The following USH2A variants were observed in gnomAD, a reference collection of about 807,000 sequenced individuals.
USH2A encodes usherin.
A neutral mutation model predicts 538.9 loss-of-function variants in USH2A; 443 were observed. That is an observed-to-expected ratio of 0.82 (90% CI 0.76 to 0.89). USH2A has a LOEUF of 0.89. Among genes scored for constraint, USH2A ranks in the 40% least tolerant of loss-of-function variants. The pLI is 0.00. For synonymous variants in USH2A, 2,413 were observed against 2,273.5 expected (o/e 1.06, Z -1.75); for missense variants, 6,633 against 6,324.8 (o/e 1.05, Z -1.65).
At chr1:216,140,391 G>A (rs1194303513) in intron 21 of USH2A, among the ~76,000 whole-genome samples, 1 of 152,142 alleles carries the variant, frequency 6.6e-6, no homozygotes, top group East Asian at 1.9e-4. Context: ...CATAGATTGT[G>A]CCGTGTCTGC....
intron 3 of USH2A, among the ~76,000 whole-genome samples, chr1:216,390,143 T>C (rs1195511141): frequency 1.3e-5 from 2 of 152,190 alleles, no homozygotes; most frequent in Non-Finnish European, 2.9e-5. Context: ...AATTGTTTGA[T>C]ATCTTAAAAC....
In USH2A at chr1:215,916,330, ATG is replaced by A. The variant is rs367591218; in HGVS notation, c.7301-15427_7301-15426del. 4.6e-3 allele frequency among the ~76,000 whole-genome samples: 453 copies of A among 97,888 alleles called. 2 individuals are homozygous for A. The highest frequency in any genetic ancestry group is 0.017 in the African/African-American group (435 of 25,488). 64.2% of individuals were successfully genotyped at this position (97,888 alleles called of 152,430 possible). A position where few individuals can be genotyped will look rare whatever the true frequency, so the allele number is the denominator to read the frequency against. On this transcript the variant is annotated intron_variant, in intron 38 of 71. Coordinates refer to ENST00000307340, the MANE Select transcript of USH2A (RefSeq NM_206933.4). The stretch of plus-strand genomic sequence containing the variant: ...GTCAAACTCTGACTAGGAAAGAAAC[ATG>A]TGCAAAAATAAAAAAAAAAATTGTT...
chr1:215,718,444 T>G (rs1166879453), intron 61 of USH2A, among the ~76,000 whole-genome samples: 1 of 152,210 alleles, frequency 6.6e-6, no homozygotes, highest in Non-Finnish European at 1.5e-5. Flanking sequence ...TTATCACCCA[T>G]CAAGGTAATT....
At chr1:216,276,359 C>T (rs1467856155) in intron 11 of USH2A, among the ~76,000 whole-genome samples, 1 of 152,086 alleles carries the variant, frequency 6.6e-6, no homozygotes. Context: ...GCACTCAATA[C>T]TTGGCACCAA....
At chr1:215,693,214 G>GA (rs541925993) in intron 61 of USH2A, among the ~76,000 whole-genome samples, 83 of 151,554 alleles carry the variant, frequency 5.5e-4, no homozygotes, top group African/African-American at 1.9e-3. Context: ...CTCCTGGGCT[G>GA]AAGCAATCCA....
chr1:216,215,739 A>C (rs2035330632), intron 15 of USH2A, among the ~76,000 whole-genome samples: 1 of 152,174 alleles, frequency 6.6e-6, no homozygotes, highest in African/African-American at 2.4e-5. Flanking sequence ...CATAATTTTA[A>C]AGAGATAAAA....
At chr1:216,360,895 C>T (rs527668086) in intron 4 of USH2A, among the ~76,000 whole-genome samples, 66 of 152,048 alleles carry the variant, frequency 4.3e-4, no homozygotes, top group African/African-American at 1.5e-3. Context: ...ATTTAAATCT[C>T]AACAGAATTT....
intron 21 of USH2A, among the ~76,000 whole-genome samples, chr1:216,167,762 C>T (rs984865182): frequency 9.2e-5 from 14 of 152,154 alleles, no homozygotes; most frequent in African/African-American, 3.4e-4. Context: ...AATTTTCACT[C>T]TTGCTCTAAA....
At chr1:215,723,256 C>G (rs1162791565) in intron 61 of USH2A, among the ~76,000 whole-genome samples, 1 of 151,412 alleles carries the variant, frequency 6.6e-6, no homozygotes, top group Admixed American at 6.6e-5. Flanking sequence ...GCATTAAAAC[C>G]CACACTCTTT....
At position 216,078,378 on chromosome 1, in the gene USH2A, A is replaced by G; in HGVS notation, c.5299-16T>C. 1 of 1,611,610 alleles carries G rather than the reference A, an allele frequency of 6.2e-7. No individual in the cohort carries two copies. The highest frequency in any genetic ancestry group is 8.5e-7 in the Non-Finnish European group (1 of 1,178,280). ...TCAGCTCCATCTGTATTTTATATTA[A>G]AAAAGAAAGTAGGTATATAAAAAGG... On this transcript the variant is annotated splice_polypyrimidine_tract_variant and intron_variant, in intron 26 of 71. Coordinates refer to ENST00000307340, the MANE Select transcript of USH2A (RefSeq NM_206933.4).
At chr1:216,420,815 T>C (rs2039663116) in intron 2 of USH2A, among the ~76,000 whole-genome samples, 1 of 152,158 alleles carries the variant, frequency 6.6e-6, no homozygotes, top group Middle Eastern at 3.2e-3. Flanking sequence ...ATTAATTTTG[T>C]GATTAATCCA....
In USH2A at chr1:215,674,135, C is replaced by G. The variant is rs1350039852; in HGVS notation, c.13776G>C (p.Gln4592His). 5 of 1,614,110 alleles carry G rather than the reference C, an allele frequency of 3.1e-6. No homozygotes were observed. Among genetic ancestry groups the G allele is most frequent in the Non-Finnish European group, 4.2e-6 (5 of 1,180,008 alleles). ...INTTHNSFGMQSYIVNQLKPF... is the reference protein window; with the variant it reads ...INTTHNSFGMHSYIVNQLKPF... ...GCTTCAGCTGGTTTACTATATATGA[C>G]TGCATACCAAAAGAATTATGAGTTG... Residue 4592 changes from glutamine to histidine, a missense_variant, in exon 63 of 72, where the codon CAG becomes CAC. Transcript: ENST00000307340.
rs79620002 is a variant in USH2A at position 216,385,580 on chromosome 1, G to A, written c.652-20495C>T. On this transcript the variant is annotated intron_variant, in intron 3 of 71. Transcript: ENST00000307340. ...ATCCAACTAGAATTTTGGGGTGAAGGTCACTCTGAGCTGGCACAGATAATG... is the reference window on the plus strand; with the variant it reads ...ATCCAACTAGAATTTTGGGGTGAAGATCACTCTGAGCTGGCACAGATAATG... Among the ~76,000 whole-genome samples, 928 of 152,188 alleles carry A rather than the reference G, an allele frequency of 6.1e-3. 6 individuals are homozygous for A. Among genetic ancestry groups the A allele is most frequent in the Non-Finnish European group, 7.6e-3 (519 of 67,998 alleles).
At chr1:215,986,364 C>A (rs1274934699) in intron 35 of USH2A, among the ~76,000 whole-genome samples, 1 of 131,818 alleles carries the variant, frequency 7.6e-6, no homozygotes, top group Non-Finnish European at 1.6e-5. Flanking sequence ...CTAGGCTGGT[C>A]TTGAACTCCC....
intron 71 of USH2A, 124 bp downstream of exon 71, chr1:215,628,690 C>T: frequency 1.0e-6 from 1 of 970,102 alleles, no homozygotes; most frequent in South Asian, 1.3e-5. Flanking sequence ...GTTGTTACTA[C>T]CTCACTGGCT....
intron 3 of USH2A, among the ~76,000 whole-genome samples, chr1:216,414,766 TGTGGCCATTTGGA>T (rs2039549438): frequency 6.6e-6 from 1 of 152,090 alleles, no homozygotes; most frequent in Non-Finnish European, 1.5e-5. Flanking sequence ...TTCATCAATT[TGTGGCCATTTGGA>T]AGATGGGTGA....
intron 61 of USH2A, among the ~76,000 whole-genome samples, chr1:215,719,362 CA>C (rs375176415): frequency 0.024 from 1,787 of 74,618 alleles, 21 homozygotes; most frequent in Admixed American, 0.075. Flanking sequence ...CCTCAGGAGA[CA>C]AAAAAAAAAA....
chr1:216,350,264 C>A (rs2038257005), intron 4 of USH2A, among the ~76,000 whole-genome samples: 1 of 152,104 alleles, frequency 6.6e-6, no homozygotes, highest in African/African-American at 2.4e-5. Context: ...GACACAGATC[C>A]AAACCATGTC....
chr1:216,084,781 CT>C lies in USH2A; in HGVS notation c.5083del (p.Ser1695ValfsTer19), dbSNP rs1553300016. ...ATACACGTTGATTTGTTCTTCAGAA[CT>C]CTGCCAATCCAGAGGTTCCCAAATA... The part of the protein sequence containing the change: ...SAIWEPLDWQ[S>X]SEEQINVYNS... On this transcript the variant is annotated frameshift_variant, in exon 25 of 72. Transcript: ENST00000307340. LOFTEE classifies it high-confidence loss of function. 8 of 1,613,604 alleles carry C rather than the reference CT, an allele frequency of 5.0e-6. No homozygotes were observed. Among genetic ancestry groups the C allele is most frequent in the Middle Eastern group, 1.7e-4 (1 of 6,054 alleles).
Sources: allele counts gnomAD v4.1 joint callset (sites outside exome capture counted in the v4.1 genomes callset), GRCh38; gene constraint gnomAD v4.1.1; transcripts MANE v1.5; gene names NCBI Gene and HGNC (gene_info 2026-07-23, HGNC 2026-07-21).